The following XYLT1 variants were observed in gnomAD, a reference collection of about 807,000 sequenced individuals.
XYLT1 encodes the protein beta-D-xylosyltransferase 1.
Under a neutral mutation model 91.3 loss-of-function variants are expected in XYLT1, and 36 were observed. The ratio of observed to expected loss-of-function variants is 0.39; its 90% confidence interval spans 0.30 to 0.52. The LOEUF (loss-of-function observed/expected upper bound fraction) is 0.52, where lower values mean the gene tolerates loss of function less well. XYLT1 is among the 20% of genes least tolerant of loss of function. XYLT1 has a pLI of 0.68. For missense variants in XYLT1, 1,242 were observed against 1,284.5 expected (o/e 0.97, Z 0.51); for synonymous variants, 588 against 532.0 (o/e 1.11, Z -1.45).
In XYLT1 at chr16:17,140,378, C is replaced by T. The variant is rs76988990; in HGVS notation, c.1587+775G>A. On this transcript the variant is annotated intron_variant, in intron 7 of 11. Coordinates refer to ENST00000261381, the MANE Select transcript of XYLT1 (RefSeq NM_022166.4). Reference sequence around the variant, plus strand: ...AAGGATGCGTCAAAAGTTGATGTGGCGGCCGGGCATGGTGGCTCATGCCTG... The same window carrying T: ...AAGGATGCGTCAAAAGTTGATGTGGTGGCCGGGCATGGTGGCTCATGCCTG... Among the ~76,000 whole-genome samples, 854 of 152,096 alleles carry T rather than the reference C, an allele frequency of 5.6e-3. 33 individuals carry two copies. The East Asian group carries it at 0.071, about 13-fold the overall frequency.
At position 17,379,754 on chromosome 16, in the gene XYLT1, C is replaced by CTT. The variant is rs71390919; in HGVS notation, c.364-21705_364-21704insAA. On this transcript the variant is annotated intron_variant, in intron 1 of 11. Transcript: ENST00000261381. ...TCTCTCTCTCTCTCTCTCTCTCTCT[C>CTT]TCTCTCTCTCACACACACACACACA... Among the ~76,000 whole-genome samples the CTT allele has an allele frequency of 6.0e-4, 70 of 117,158 alleles. 1 individual carries two copies. The highest frequency in any genetic ancestry group is 9.5e-3 in the Middle Eastern group (2 of 210). 76.9% of individuals were successfully genotyped at this position (117,158 alleles called of 152,430 possible).
intron 5 of XYLT1, among the ~76,000 whole-genome samples, chr16:17,197,036 T>G (rs1428445017): frequency 2.9e-5 from 4 of 137,322 alleles, no homozygotes; most frequent in South Asian, 2.4e-4. Flanking sequence ...TATATAGATA[T>G]ATATACCGTT....
chr16:17,435,554 G>A (rs1292701647), intron 1 of XYLT1, among the ~76,000 whole-genome samples: 2 of 152,126 alleles, frequency 1.3e-5, no homozygotes, highest in African/African-American at 4.8e-5. Flanking sequence ...AGGTGGCTGT[G>A]GGTTTGGTTA....
chr16:17,266,483 C>A (rs531211870), intron 2 of XYLT1, among the ~76,000 whole-genome samples: 27 of 152,230 alleles, frequency 1.8e-4, no homozygotes, highest in African/African-American at 6.0e-4. Context: ...CATTAAGGTT[C>A]AGGGAGGTTA....
At chr16:17,279,049 T>C (rs2034018918) in intron 2 of XYLT1, among the ~76,000 whole-genome samples, 1 of 152,204 alleles carries the variant, frequency 6.6e-6, no homozygotes, top group Non-Finnish European at 1.5e-5. Context: ...ATTCAAGGAT[T>C]TCATGATACA....
chr16:17,328,349 C>T (rs1305381281), intron 2 of XYLT1, among the ~76,000 whole-genome samples: 1 of 151,796 alleles, frequency 6.6e-6, no homozygotes, highest in East Asian at 1.9e-4. Context: ...CAGTTTGAGA[C>T]CAGCCTAAGC....
chr16:17,183,376 G>A (rs2032112449), intron 5 of XYLT1, among the ~76,000 whole-genome samples: 1 of 152,156 alleles, frequency 6.6e-6, no homozygotes, highest in South Asian at 2.1e-4. Flanking sequence ...TTTAGATGGG[G>A]AAGAAATGAG....
chr16:17,285,779 A>G (rs1289498908), intron 2 of XYLT1, among the ~76,000 whole-genome samples: 1 of 152,138 alleles, frequency 6.6e-6, no homozygotes, highest in Non-Finnish European at 1.5e-5. Flanking sequence ...TTGCTTGTTA[A>G]CATGGTATAG....
intron 5 of XYLT1, among the ~76,000 whole-genome samples, chr16:17,183,746 A>G (rs187830971): frequency 1.3e-5 from 2 of 152,302 alleles, no homozygotes; most frequent in African/African-American, 2.4e-5. Context: ...TTTCCCAGGC[A>G]TCTACTTTGA....
At chr16:17,314,692 C>A (rs944818345) in intron 2 of XYLT1, among the ~76,000 whole-genome samples, 15 of 152,124 alleles carry the variant, frequency 9.9e-5, no homozygotes, top group African/African-American at 3.4e-4. Flanking sequence ...AGAGAAAAAT[C>A]AATAATCAAA....
chr16:17,218,333 G>A (rs1320253807), intron 3 of XYLT1, among the ~76,000 whole-genome samples: 1 of 150,916 alleles, frequency 6.6e-6, no homozygotes, highest in Admixed American at 6.6e-5. Context: ...AAACTCAGGG[G>A]TGGGGAGAGG....
intron 3 of XYLT1, among the ~76,000 whole-genome samples, chr16:17,225,506 A>C (rs564954309): frequency 1.1e-4 from 16 of 152,244 alleles, no homozygotes; most frequent in Admixed American, 1.0e-3. Flanking sequence ...CAAACCCAGA[A>C]AGTTTTCTGC....
intron 1 of XYLT1, among the ~76,000 whole-genome samples, chr16:17,448,259 T>C (rs1045385931): frequency 6.6e-5 from 10 of 152,182 alleles, no homozygotes; most frequent in African/African-American, 2.2e-4. Flanking sequence ...TCCCAGCTAC[T>C]TGGGAGGCTG....
intron 1 of XYLT1, among the ~76,000 whole-genome samples, chr16:17,399,518 C>A (rs573692739): frequency 2.0e-5 from 3 of 152,322 alleles, no homozygotes; most frequent in African/African-American, 4.8e-5. Flanking sequence ...TTCATTCTCC[C>A]GCTCCATGAT....
At chr16:17,254,519 C>T (rs893426828) in intron 3 of XYLT1, among the ~76,000 whole-genome samples, 8 of 151,944 alleles carry the variant, frequency 5.3e-5, no homozygotes, top group African/African-American at 1.2e-4. Context: ...CTCAGCCTCC[C>T]GAGTAGCTGG....
chr16:17,429,183 G>A (rs1191978954), intron 1 of XYLT1, among the ~76,000 whole-genome samples: 1 of 152,194 alleles, frequency 6.6e-6, no homozygotes, highest in Non-Finnish European at 1.5e-5. Flanking sequence ...ATCCTTAACT[G>A]GAGATAATCC....
intron 3 of XYLT1, among the ~76,000 whole-genome samples, chr16:17,209,687 C>G (rs1166068684): frequency 6.6e-6 from 1 of 152,200 alleles, no homozygotes; most frequent in African/African-American, 2.4e-5. Flanking sequence ...GTTTCCTCAT[C>G]TGTCAAAGAG....
intron 9 of XYLT1, among the ~76,000 whole-genome samples, chr16:17,131,142 A>G (rs776446901): frequency 2.4e-4 from 36 of 152,168 alleles, no homozygotes; most frequent in Non-Finnish European, 5.0e-4. Flanking sequence ...TAGCTACTCA[A>G]TCAGTACTTA....
chr16:17,400,635 GGAAGGAAGGA>G (rs1567189558), intron 1 of XYLT1, among the ~76,000 whole-genome samples: 20 of 70,452 alleles, frequency 2.8e-4, no homozygotes, highest in African/African-American at 4.8e-4. Flanking sequence ...AAGGGAGGAA[GGAAGGAAGGA>G]AGGAAGGAAG....
Sources: gnomAD v4.1 joint callset for allele counts (sites outside exome capture counted in the v4.1 genomes callset) on GRCh38, gnomAD v4.1.1 for gene constraint, MANE v1.5 for transcripts, NCBI Gene and HGNC (gene_info 2026-07-23, HGNC 2026-07-21) for gene names.